Variants in PREPL observed in about 807,000 individuals in gnomAD.
The protein encoded by PREPL is prolyl endopeptidase-like.
PREPL carries 77 observed loss-of-function variants against 70.6 expected under a neutral mutation model. The observed-to-expected ratio is 1.09, with a 90% CI of 0.91 to 1.32. The LOEUF is 1.32. PREPL is among the 40% of genes most tolerant of loss of function. The probability of loss-of-function intolerance (pLI) is 0.00; values close to 1 mark genes in which losing one functional copy is unlikely to be tolerated. For missense variants in PREPL, 1,002 were observed against 778.2 expected, an observed-to-expected ratio of 1.29 and a Z score of -3.42; for synonymous variants, 315 against 264.8, an observed-to-expected ratio of 1.19 and a Z score of -1.84.
intron 12 of PREPL, 56 bp from the exon 13 acceptor site, chr2:44,321,956 G>T (rs1239362828): frequency 6.6e-7 from 1 of 1,522,548 alleles, no homozygotes; most frequent in Non-Finnish European, 8.9e-7. Flanking sequence ...TTCTTTGGAA[G>T]ATCGAGACCC....
In PREPL at chr2:44,323,398, T is replaced by C; in HGVS notation, c.1493A>G (p.Asp498Gly). Reference sequence around the variant, plus strand: ...AGTGTCCATCATGGTGTTGAGAACATCCAAGAAAGGTGCCTAAAAAAAAGG... The same window carrying C: ...AGTGTCCATCATGGTGTTGAGAACACCCAAGAAAGGTGCCTAAAAAAAAGG... Reference protein sequence around the residue: ...RAVTLEAPFLDVLNTMMDTTL... With the variant: ...RAVTLEAPFLGVLNTMMDTTL... Residue 498 changes from aspartate to glycine, a missense_variant, in exon 11 of 14, where the codon GAT becomes GGT. Physicochemically the swap from Asp to Gly is moderately conservative, Grantham distance 94. Coordinates refer to ENST00000409411, the MANE Select transcript of PREPL (RefSeq NM_001171613.2). 6.3e-7 allele frequency: 1 copy of C among 1,587,874 alleles called. No individual in the cohort carries two copies. The highest frequency in any genetic ancestry group is 8.6e-7 in the Non-Finnish European group (1 of 1,169,516).
Position 44,320,898 on chromosome 2 carries a change from A to G in PREPL, c.*458T>C. ...GATGACCAGAACACATTAGGACCCC[A>G]GATTATTCAAAAACTTTAACGAATT... On this transcript the variant is annotated 3_prime_UTR_variant, in exon 14 of 14. Transcript: ENST00000409411. 1 of 473,786 alleles carries G rather than the reference A, an allele frequency of 2.1e-6. No homozygotes were observed. The highest frequency in any genetic ancestry group is 3.8e-5 in the East Asian group (1 of 26,400). 29.3% of individuals were successfully genotyped at this position (473,786 alleles called of 1,614,324 possible). A position where few individuals can be genotyped will look rare whatever the true frequency, so the allele number is the denominator to read the frequency against.
chr2:44,321,501 T>C lies in PREPL; in HGVS notation c.1828-56A>G. 3.8e-6 allele frequency: 6 copies of C among 1,578,710 alleles called. No individual in the cohort carries two copies. The South Asian group carries it at 5.7e-5, about 15-fold the overall frequency. On this transcript the variant is annotated intron_variant, in intron 13 of 13. Coordinates refer to ENST00000409411, the MANE Select transcript of PREPL (RefSeq NM_001171613.2). The stretch of plus-strand genomic sequence containing the variant: ...GAAGGCCTTTGTAGTAAAATGCCAC[T>C]GTTTAAGCTTCTCTTTATCTATCCA...
chr2:44,354,106 T>A (rs543192734), intron 1 of PREPL, among the ~76,000 whole-genome samples: 1 of 151,984 alleles, frequency 6.6e-6, no homozygotes, highest in Non-Finnish European at 1.5e-5. Context: ...CAGTAAGCCA[T>A]GTTTGTGCCT....
At chr2:44,354,500 C>G (rs1310357015) in intron 1 of PREPL, among the ~76,000 whole-genome samples, 2 of 152,112 alleles carry the variant, frequency 1.3e-5, no homozygotes, top group Non-Finnish European at 2.9e-5. Context: ...CAACTCTCCC[C>G]AAATTCCAGA....
At chr2:44,338,320 A>T in intron 7 of PREPL, 31 bp downstream of exon 7, 1 of 1,561,880 alleles carries the variant, frequency 6.4e-7, no homozygotes, top group Non-Finnish European at 8.7e-7. Context: ...TATTTTGATT[A>T]ACAGTATTAA....
chr2:44,360,942 GC>G lies in PREPL; in HGVS notation c.-49+437del, dbSNP rs67276982. Reference sequence around the variant, plus strand: ...AGATCAGATGCGCTACGACGCCCCCGCCCCCCTTAATCCCTTTCCATGTCGC... The same window carrying G: ...AGATCAGATGCGCTACGACGCCCCCGCCCCCTTAATCCCTTTCCATGTCGC... On this transcript the variant is annotated intron_variant, in intron 1 of 13. Coordinates refer to ENST00000409411, the MANE Select transcript of PREPL (RefSeq NM_001171613.2). Among the ~76,000 whole-genome samples, 731 of 152,164 alleles carry G rather than the reference GC, an allele frequency of 4.8e-3. 2 individuals are homozygous for G. The highest frequency in any genetic ancestry group is 0.017 in the African/African-American group (695 of 41,506).
chr2:44,344,725 A>G lies in PREPL; in HGVS notation c.76-139T>C, dbSNP rs532608650. ...GTATATGAATGAACACATATGAAAT[A>G]TAAAATTGACCATTTTTACAATGTA... On this transcript the variant is annotated intron_variant, in intron 2 of 13. Transcript: ENST00000409411. 5.3e-5 allele frequency: 30 copies of G among 565,858 alleles called. No homozygotes were observed. In the East Asian group the frequency reaches 9.5e-4, roughly 18 times the overall value. The allele number at this position is 565,858 out of a possible 1,614,324, so 35.1% of individuals were successfully genotyped here.
chr2:44,355,984 A>G (rs1295035713), intron 1 of PREPL, among the ~76,000 whole-genome samples: 1 of 152,190 alleles, frequency 6.6e-6, no homozygotes, highest in Non-Finnish European at 1.5e-5. Flanking sequence ...TGTGGAAGAT[A>G]AAGAAATGTG....
chr2:44,338,791 G>C (rs142358190), intron 6 of PREPL, among the ~76,000 whole-genome samples: 5 of 152,292 alleles, frequency 3.3e-5, no homozygotes, highest in Non-Finnish European at 7.4e-5. Flanking sequence ...CTGACAGCTA[G>C]CTGACTACAG....
intron 1 of PREPL, chr2:44,360,030 G>A: frequency 4.1e-6 from 1 of 242,668 alleles, no homozygotes; most frequent in Admixed American, 5.4e-5. Context: ...GGCACACATA[G>A]GGGTTAAACT....
chr2:44,333,626 T>A (rs1316089577), intron 7 of PREPL, among the ~76,000 whole-genome samples: 11 of 148,766 alleles, frequency 7.4e-5, no homozygotes, highest in Non-Finnish European at 7.4e-5. Context: ...CTCTTATTAA[T>A]AAAAAAAAAA....
At chr2:44,361,152 G>A (rs937299918) in intron 1 of PREPL, among the ~76,000 whole-genome samples, 1 of 152,198 alleles carries the variant, frequency 6.6e-6, no homozygotes, top group Admixed American at 6.5e-5. Context: ...CTAGGATGGG[G>A]GTGGGGTAGA....
Position 44,332,633 on chromosome 2 carries a change from G to A in PREPL, c.912C>T (p.Phe304=), listed in dbSNP as rs2103839981. Residue 304 remains phenylalanine, a synonymous_variant, in exon 8 of 14, where the codon TTC becomes TTT. Coordinates refer to ENST00000409411, the MANE Select transcript of PREPL (RefSeq NM_001171613.2). ...SLKLPPWACG[F]IMDTNSDPKN... Reference sequence around the variant, plus strand: ...TTGGGTCAGAATTTGTATCCATTATGAATCCACAGGCCCAAGGAGGGAGCT... The same window carrying A: ...TTGGGTCAGAATTTGTATCCATTATAAATCCACAGGCCCAAGGAGGGAGCT... 1 of 1,613,632 alleles carries A rather than the reference G, an allele frequency of 6.2e-7. No individual in the cohort carries two copies. Among genetic ancestry groups the A allele is most frequent in the Non-Finnish European group, 8.5e-7 (1 of 1,179,668 alleles).
rs1230569140 is a variant in PREPL at position 44,339,351 on chromosome 2, G to T, written c.498C>A (p.Phe166Leu). 1 of 1,613,678 alleles carries T rather than the reference G, an allele frequency of 6.2e-7. No homozygotes were observed. Among genetic ancestry groups the T allele is most frequent in the Non-Finnish European group, 8.5e-7 (1 of 1,179,878 alleles). The change falls in exon 6 of 14, where the codon TTC becomes TTA. Residue 166 changes from phenylalanine (F) to leucine (L), a missense_variant. Phe to Leu is a conservative substitution (Grantham distance 22). Coordinates refer to ENST00000409411, the MANE Select transcript of PREPL (RefSeq NM_001171613.2). ...YTEKDPSYFV[F>L]LYLTKDSRFL... ...AACGACTGTCTTTTGTAAGATAAAGGAAAACAAAGTAGCTAGAGAGAGAGA... is the reference window on the plus strand; with the variant it reads ...AACGACTGTCTTTTGTAAGATAAAGTAAAACAAAGTAGCTAGAGAGAGAGA...
In PREPL at chr2:44,346,303, G is replaced by A. The variant is rs200761047; in HGVS notation, c.40C>T (p.Gln14Ter). ...ATGATTTCATATTCTTCTTGTGGCT[G>A]TGTTTCTAATTTTGTTCTCACTTTT... ...FEKVRTKLET[Q>*]PQEEYEIINV... Residue 14 changes from glutamine to a stop codon, truncating the protein, a stop_gained, in exon 2 of 14, where the codon CAG becomes TAG. Coordinates refer to ENST00000409411, the MANE Select transcript of PREPL (RefSeq NM_001171613.2). LOFTEE classifies it high-confidence loss of function. 187 of 1,612,360 alleles carry A rather than the reference G, an allele frequency of 1.2e-4. No individual in the cohort carries two copies. Among genetic ancestry groups the A allele is most frequent in the Non-Finnish European group, 1.5e-4 (180 of 1,179,222 alleles).
At chr2:44,321,691 C>A in intron 13 of PREPL, 136 bp downstream of exon 13, 6 of 1,568,388 alleles carry the variant, frequency 3.8e-6, no homozygotes, top group Non-Finnish European at 5.2e-6. Context: ...GTCCCTCCCT[C>A]CCCTCCTGGG....
intron 1 of PREPL, among the ~76,000 whole-genome samples, chr2:44,353,290 A>C (rs1676647332): frequency 6.6e-6 from 1 of 152,020 alleles, no homozygotes; most frequent in African/African-American, 2.4e-5. Flanking sequence ...CCTGATTTTA[A>C]GACTTATTAC....
At chr2:44,361,746 C>G (rs1403721764), upstream of PREPL, 1 of 464,012 alleles carries the variant, frequency 2.2e-6, no homozygotes, top group Non-Finnish European at 3.6e-6. Context: ...TTCCAGTAGC[C>G]CTGCCACAGC....
Sources: allele counts gnomAD v4.1 joint callset (sites outside exome capture counted in the v4.1 genomes callset), GRCh38; gene constraint gnomAD v4.1.1; transcripts MANE v1.5; gene names NCBI Gene and HGNC (gene_info 2026-07-23, HGNC 2026-07-21).